The following NODAL variants were observed in gnomAD, a reference collection of about 807,000 sequenced individuals.
NODAL encodes the protein nodal homolog.
NODAL carries 12 observed loss-of-function variants against 34.0 expected under a neutral mutation model. That is an observed-to-expected ratio of 0.35 (90% CI 0.23 to 0.57). NODAL has a LOEUF of 0.57. NODAL is among the 20% of genes least tolerant of loss of function. The pLI is 0.83. For missense variants in NODAL, 390 were observed against 444.2 expected (o/e 0.88, Z 1.10); for synonymous variants, 162 against 186.4 (o/e 0.87, Z 1.07).
rs749452324 is a variant in NODAL at position 70,441,537 on chromosome 10, A to T, written c.131T>A (p.Met44Lys). 6.3e-7 allele frequency: 1 copy of T among 1,594,852 alleles called. No individual in the cohort carries two copies. Among genetic ancestry groups the T allele is most frequent in the Non-Finnish European group, 8.5e-7 (1 of 1,172,122 alleles). Residue 44 changes from methionine (M) to lysine (K), a missense_variant, in exon 1 of 3, where the codon ATG (methionine) becomes AAG (lysine). Physicochemically the swap from Met to Lys is moderately conservative, Grantham distance 95. Coordinates refer to ENST00000287139, the MANE Select transcript of NODAL (RefSeq NM_018055.5). The part of the protein sequence containing the change: ...QPSSPSPLAY[M>K]LSLYRDPLPR... ...CAGCGGGTCGCGGTAGAGGCTCAGC[A>T]TGTACGCCAGAGGGGATGGCGACGA... is the stretch of plus-strand genomic sequence containing the variant.
upstream of NODAL, among the ~76,000 whole-genome samples, chr10:70,443,154 T>C (rs989116652): frequency 6.6e-6 from 1 of 152,100 alleles, no homozygotes; most frequent in Admixed American, 6.5e-5. Flanking sequence ...AGCAGGTTGT[T>C]AGAAAATGGA....
Position 70,433,105 on chromosome 10 carries a change from G to A in NODAL, c.892-17C>T, listed in dbSNP as rs1253938146. The A allele has an allele frequency of 4.3e-6, 7 of 1,613,520 alleles. No homozygotes were observed. The highest frequency in any genetic ancestry group is 5.9e-6 in the Non-Finnish European group (7 of 1,180,008). On this transcript the variant is annotated splice_polypyrimidine_tract_variant and intron_variant, in intron 2 of 2. Transcript: ENST00000287139. ...CAGCAGACTCTGTAAAGGAAAGGAA[G>A]GGTGTGTCAATTCACATCCTGATGG... is the stretch of plus-strand genomic sequence containing the variant.
At chr10:70,438,841 G>A (rs921444436) in intron 1 of NODAL, among the ~76,000 whole-genome samples, 1 of 152,184 alleles carries the variant, frequency 6.6e-6, no homozygotes, top group Non-Finnish European at 1.5e-5. Context: ...TGTCACTGGT[G>A]CCTGATGCAA....
At position 70,435,961 on chromosome 10, in the gene NODAL, G is replaced by A. The variant is rs138195571; in HGVS notation, c.216C>T (p.Asn72=). The part of the protein sequence containing the change: ...QAEDVAVDGQ[N]WTFAFDFSFL... ...AGGAGAAGTCAAAAGCAAACGTCCAGTTCTGCCCATCCACTGCCACATCTG... is the reference window on the plus strand; with the variant it reads ...AGGAGAAGTCAAAAGCAAACGTCCAATTCTGCCCATCCACTGCCACATCTG... Residue 72 remains asparagine, a synonymous_variant, in exon 2 of 3, where the codon AAC becomes AAT. Transcript: ENST00000287139. 2,171 of 1,614,168 alleles carry A rather than the reference G, an allele frequency of 1.3e-3. 42 individuals carry two copies. The East Asian group carries it at 0.036, about 26-fold the overall frequency.
Position 70,435,774 on chromosome 10 carries a change from C to T in NODAL, c.403G>A (p.Asp135Asn). Reference protein sequence around the residue: ...SDSCLERFQMDLFTVTLSQVT... With the variant: ...SDSCLERFQMNLFTVTLSQVT... Reference sequence around the variant, plus strand: ...TGGGACAAAGTGACAGTGAATAGGTCCATCTGAAACCGCTCTAAGCAGCTG... The same window carrying T: ...TGGGACAAAGTGACAGTGAATAGGTTCATCTGAAACCGCTCTAAGCAGCTG... The change falls in exon 2 of 3, where the codon GAC becomes AAC. Residue 135 changes from aspartate to asparagine, a missense_variant. Coordinates refer to ENST00000287139, the MANE Select transcript of NODAL (RefSeq NM_018055.5). The T allele has an allele frequency of 6.2e-7, 1 of 1,614,160 alleles. No homozygotes were observed. Among genetic ancestry groups the T allele is most frequent in the East Asian group, 2.2e-5 (1 of 44,886 alleles).
At chr10:70,441,890 G>A (rs964276920), upstream of NODAL, among the ~76,000 whole-genome samples, 1 of 152,172 alleles carries the variant, frequency 6.6e-6, no homozygotes, top group Non-Finnish European at 1.5e-5. Flanking sequence ...CCAGGGACGG[G>A]ATCTAGGGCT....
chr10:70,435,919 C>T lies in NODAL; in HGVS notation c.258G>A (p.Glu86=). 6.2e-7 allele frequency: 1 copy of T among 1,614,186 alleles called. No homozygotes were observed. The highest frequency in any genetic ancestry group is 1.1e-5 in the South Asian group (1 of 91,086). ...GCCGGAGCTCAGCCCATGCCAGATC[C>T]TCTTGTTGGCTCAGGAAGGAGAAGT... The part of the protein sequence containing the change: ...AFDFSFLSQQ[E]DLAWAELRLQ... The change falls in exon 2 of 3, where the codon GAG becomes GAA. Residue 86 remains glutamate (E), a synonymous_variant. Coordinates refer to ENST00000287139, the MANE Select transcript of NODAL (RefSeq NM_018055.5).
At chr10:70,444,229 G>A (rs1449420348), upstream of NODAL, among the ~76,000 whole-genome samples, 1 of 151,456 alleles carries the variant, frequency 6.6e-6, no homozygotes, top group African/African-American at 2.4e-5. Context: ...CACTGCGCCC[G>A]GCCAAACTAT....
Position 70,432,733 on chromosome 10 carries a change from TC to T in NODAL, c.*202del, listed in dbSNP as rs1845283603. On this transcript the variant is annotated 3_prime_UTR_variant, in exon 3 of 3. Transcript: ENST00000287139. ...CCTGCACAGGCTTCTTCCTCCCTCT[TC>T]CTGACAGCAGCCTCTGTGCTTGGCC... is the stretch of plus-strand genomic sequence containing the variant. 1 of 629,424 alleles carries T rather than the reference TC, an allele frequency of 1.6e-6. No homozygotes were observed. The allele number at this position is 629,424 out of a possible 1,614,324, so 39.0% of individuals were successfully genotyped here. A position where few individuals can be genotyped will look rare whatever the true frequency, so the allele number is the denominator to read the frequency against.
At chr10:70,441,722 A>G, upstream of NODAL, 5 of 1,522,712 alleles carry the variant, frequency 3.3e-6, no homozygotes, top group Non-Finnish European at 2.7e-6. Flanking sequence ...CCTGGGCCTC[A>G]GCAGCCGCCC....
chr10:70,444,229 G>C (rs1449420348), upstream of NODAL, among the ~76,000 whole-genome samples: 5 of 151,574 alleles, frequency 3.3e-5, no homozygotes, highest in South Asian at 1.0e-3. Flanking sequence ...CACTGCGCCC[G>C]GCCAAACTAT....
chr10:70,441,523 G>C lies in NODAL; in HGVS notation c.145C>G (p.Arg49Gly), dbSNP rs1386462321. 1.3e-6 allele frequency: 2 copies of C among 1,595,232 alleles called. No individual in the cohort carries two copies. Among genetic ancestry groups the C allele is most frequent in the African/African-American group, 2.7e-5 (2 of 74,562 alleles). ...SPLAYMLSLY[R>G]DPLPRADIIR... ...ATGTCTGCCCTCGGCAGCGGGTCGC[G>C]GTAGAGGCTCAGCATGTACGCCAGA... The change falls in exon 1 of 3, where the codon CGC (arginine) becomes GGC (glycine). Residue 49 changes from arginine to glycine, a missense_variant. Arg to Gly is a moderately radical substitution (Grantham distance 125). Transcript: ENST00000287139.
upstream of NODAL, among the ~76,000 whole-genome samples, chr10:70,443,933 C>CT (rs560719151): frequency 0.079 from 11,299 of 143,762 alleles, 687 homozygotes; most frequent in East Asian, 0.26. Flanking sequence ...GTTGACTCCC[C>CT]TTTTTTTTTT....
chr10:70,436,114 A>G lies in NODAL; in HGVS notation c.194-131T>C, dbSNP rs893062026. On this transcript the variant is annotated intron_variant, in intron 1 of 2. Transcript: ENST00000287139. ...AGAATTACCTTCGAATTCTCACCCC[A>G]ACTCTATGAGTTGGTAAGATTTTCG... 3.9e-6 allele frequency: 3 copies of G among 777,432 alleles called. No individual in the cohort carries two copies. In the African/African-American group the frequency reaches 5.1e-5, roughly 13 times the overall value. The allele number at this position is 777,432 out of a possible 1,614,324, so 48.2% of individuals were successfully genotyped here.
Position 70,432,160 on chromosome 10 carries a change from T to G in NODAL, c.*776A>C, listed in dbSNP as rs1463838419. Among the ~76,000 whole-genome samples the G allele has an allele frequency of 3.9e-5, 6 of 152,196 alleles. No homozygotes were observed. The highest frequency in any genetic ancestry group is 7.3e-5 in the Non-Finnish European group (5 of 68,034). ...TCAGAGGCCTCATTAATAGCACACA[T>G]TGAGAGACTGAGGTGGATTGTCACC... On this transcript the variant is annotated 3_prime_UTR_variant, in exon 3 of 3. Coordinates refer to ENST00000287139, the MANE Select transcript of NODAL (RefSeq NM_018055.5).
intron 2 of NODAL, among the ~76,000 whole-genome samples, chr10:70,434,263 ATCT>A (rs374394538): frequency 1.0e-3 from 157 of 152,252 alleles, no homozygotes; most frequent in African/African-American, 1.8e-3. Context: ...TGTTCTCTCC[ATCT>A]TCTTCTCTTT....
At chr10:70,439,213 C>T (rs915744495) in intron 1 of NODAL, among the ~76,000 whole-genome samples, 1 of 152,158 alleles carries the variant, frequency 6.6e-6, no homozygotes, top group African/African-American at 2.4e-5. Flanking sequence ...TCATGTTGGG[C>T]AGGACGGTCT....
rs1178522400 is a variant in NODAL at position 70,436,002 on chromosome 10, A to AG, written c.194-20dup. ...GCCACATCTGGGTAGGAGAAAACCA[A>AG]GAAGGAAGGAGGGTGAGTGAGGGCC... On this transcript the variant is annotated intron_variant, in intron 1 of 2. Transcript: ENST00000287139. 5.6e-6 allele frequency: 9 copies of AG among 1,611,152 alleles called. No homozygotes were observed. Among genetic ancestry groups the AG allele is most frequent in the Non-Finnish European group, 7.6e-6 (9 of 1,177,448 alleles).
intron 1 of NODAL, among the ~76,000 whole-genome samples, chr10:70,440,556 C>T (rs557595012): frequency 0.01 from 1,544 of 152,168 alleles, 24 homozygotes; most frequent in African/African-American, 0.036. Context: ...CTGGCCCCCG[C>T]AGGCGGAGGG....
Sources: allele counts gnomAD v4.1 joint callset (sites outside exome capture counted in the v4.1 genomes callset), GRCh38; gene constraint gnomAD v4.1.1; transcripts MANE v1.5; gene names NCBI Gene and HGNC (gene_info 2026-07-23, HGNC 2026-07-21).